DAB1: variants seen among roughly 807,000 people sequenced by gnomAD.
DAB1 encodes the protein disabled homolog 1.
Under a neutral mutation model 64.6 loss-of-function variants are expected in DAB1, and 15 were observed. The ratio of observed to expected loss-of-function variants is 0.23; its 90% CI spans 0.16 to 0.36. The LOEUF (loss-of-function observed/expected upper bound fraction) is 0.36. DAB1 is among the 10% of genes least tolerant of loss of function. The probability of loss-of-function intolerance (pLI) is 1.00; values close to 1 mark genes in which losing one functional copy is unlikely to be tolerated. For missense variants in DAB1, 596 were observed against 706.7 expected, an observed-to-expected ratio of 0.84 and a Z score of 1.78; for synonymous variants, 235 against 251.9, an observed-to-expected ratio of 0.93 and a Z score of 0.64.
rs1478859544 is a variant in DAB1 at position 57,877,554 on chromosome 1, T to TA, written n.87+6444_87+6445insT. On this transcript the variant is annotated intron_variant and non_coding_transcript_variant, in intron 1 of 1. Coordinates refer to the DAB1 transcript ENST00000477280. Reference sequence around the variant, plus strand: ...AAATCCTAATTGATTTATTTTTTTTTTTTTTTTTTTTTTTTTTGAGACGGA... The same window carrying TA: ...AAATCCTAATTGATTTATTTTTTTTTATTTTTTTTTTTTTTTTTGAGACGGA... 9.7e-3 allele frequency among the ~76,000 whole-genome samples: 228 copies of TA among 23,438 alleles called. 82 individuals are homozygous for TA. The highest frequency in any genetic ancestry group is 0.05 in the African/African-American group (219 of 4,412). The allele number at this position is 23,438 out of a possible 152,430, so 15.4% of individuals were successfully genotyped here.
chr1:58,053,010 G>A (rs537033161), intron 5 of DAB1, among the ~76,000 whole-genome samples: 1 of 152,276 alleles, frequency 6.6e-6, no homozygotes, highest in South Asian at 2.1e-4. Context: ...AAGCAAGAGC[G>A]AAAATGGGGA....
At chr1:57,685,048 G>GT (rs1309952116) in intron 6 of DAB1, among the ~76,000 whole-genome samples, 1 of 151,724 alleles carries the variant, frequency 6.6e-6, no homozygotes, top group East Asian at 1.9e-4. Context: ...TGCCTCCCAG[G>GT]TTCAAGTGAT....
intron 6 of DAB1, among the ~76,000 whole-genome samples, chr1:57,780,713 CT>C (rs891623389): frequency 2.6e-5 from 4 of 151,472 alleles, no homozygotes; most frequent in Non-Finnish European, 4.4e-5. Flanking sequence ...TTCCTTCTTT[CT>C]TTTTTTCTTT....
intron 3 of DAB1, among the ~76,000 whole-genome samples, chr1:58,377,302 T>C (rs2100543203): frequency 1.4e-5 from 2 of 144,778 alleles, no homozygotes; most frequent in South Asian, 4.8e-4. Flanking sequence ...TGGCATGATT[T>C]TGCAGCGGCT....
intron 12 of DAB1, among the ~76,000 whole-genome samples, chr1:57,012,209 G>A (rs1292596906): frequency 6.6e-6 from 1 of 152,196 alleles, no homozygotes; most frequent in East Asian, 1.9e-4. Context: ...ATCAGACAGT[G>A]AATGATTGTA....
At chr1:58,040,421 A>G (rs577812480) in intron 5 of DAB1, among the ~76,000 whole-genome samples, 1 of 152,304 alleles carries the variant, frequency 6.6e-6, no homozygotes, top group East Asian at 1.9e-4. Context: ...CCCTGGTCTC[A>G]TCTGCCGGCA....
intron 1 of DAB1, among the ~76,000 whole-genome samples, chr1:57,835,529 A>G (rs897964099): frequency 2.0e-5 from 3 of 152,174 alleles, no homozygotes; most frequent in Admixed American, 6.5e-5. Flanking sequence ...GGGACCAGAG[A>G]GTCCAGGTGA....
At chr1:57,448,717 A>G in intron 7 of DAB1, among the ~76,000 whole-genome samples, 1 of 152,094 alleles carries the variant, frequency 6.6e-6, no homozygotes, top group East Asian at 1.9e-4. Flanking sequence ...AATATAGGAC[A>G]CGATTTGATC....
chr1:57,370,024 T>G (rs1023336486), intron 1 of DAB1, among the ~76,000 whole-genome samples: 1 of 152,190 alleles, frequency 6.6e-6, no homozygotes, highest in African/African-American at 2.4e-5. Context: ...AACAGCATTC[T>G]TCCTGCAATG....
At chr1:58,189,896 G>A (rs560092953) in intron 4 of DAB1, among the ~76,000 whole-genome samples, 7 of 152,184 alleles carry the variant, frequency 4.6e-5, no homozygotes, top group Non-Finnish European at 8.8e-5. Flanking sequence ...TGAGAAATTG[G>A]CTTCACCTGA....
chr1:57,143,726 T>G (rs767961288), intron 3 of DAB1, among the ~76,000 whole-genome samples: 37 of 152,100 alleles, frequency 2.4e-4, no homozygotes, highest in Non-Finnish European at 4.1e-4. Flanking sequence ...AAATAATAAC[T>G]GATTTACTCA....
chr1:58,366,990 G>A lies in DAB1; in HGVS notation n.258-23587C>T, dbSNP rs541389061. Among the ~76,000 whole-genome samples, 289 of 152,228 alleles carry A rather than the reference G, an allele frequency of 1.9e-3. 11 individuals carry two copies. The South Asian group carries it at 0.054, about 28-fold the overall frequency. Reference sequence around the variant, plus strand: ...AATCTTGATGAACTTTACATCTGATGTTATTTCATATTTTAATAAACAACA... The same window carrying A: ...AATCTTGATGAACTTTACATCTGATATTATTTCATATTTTAATAAACAACA... On this transcript the variant is annotated intron_variant and non_coding_transcript_variant, in intron 3 of 20. Coordinates refer to the DAB1 transcript ENST00000485760.
chr1:57,210,599 T>C (rs957103892), intron 2 of DAB1, among the ~76,000 whole-genome samples: 1 of 152,142 alleles, frequency 6.6e-6, no homozygotes, highest in Non-Finnish European at 1.5e-5. Context: ...CAAAAAATAA[T>C]CTGCATTTTG....
chr1:57,869,043 C>A (rs748016053), intron 1 of DAB1, among the ~76,000 whole-genome samples: 1 of 152,040 alleles, frequency 6.6e-6, no homozygotes, highest in Non-Finnish European at 1.5e-5. Flanking sequence ...GACTTGTTAT[C>A]TCTATTTCTT....
intron 5 of DAB1, among the ~76,000 whole-genome samples, chr1:58,143,802 A>C (rs1161838841): frequency 6.6e-6 from 1 of 152,238 alleles, no homozygotes; most frequent in Non-Finnish European, 1.5e-5. Context: ...TCCTAGTTTC[A>C]AAACAAAAGA....
chr1:57,926,381 T>C (rs1003958396), intron 5 of DAB1, among the ~76,000 whole-genome samples: 2 of 152,172 alleles, frequency 1.3e-5, no homozygotes, highest in African/African-American at 4.8e-5. Flanking sequence ...ATTGGTCACC[T>C]ACCAAGAACT....
At chr1:57,437,547 A>G (rs1166873310) in intron 7 of DAB1, among the ~76,000 whole-genome samples, 1 of 152,214 alleles carries the variant, frequency 6.6e-6, no homozygotes, top group Admixed American at 6.5e-5. Context: ...TTGAACTGTA[A>G]TTCTTCATTG....
intron 6 of DAB1, among the ~76,000 whole-genome samples, chr1:57,662,259 G>A (rs750441987): frequency 6.6e-6 from 1 of 152,094 alleles, no homozygotes; most frequent in Admixed American, 6.5e-5. Context: ...GCAATGGCGC[G>A]ATCTCGGCTC....
chr1:57,727,083 C>T (rs917552073), intron 6 of DAB1, among the ~76,000 whole-genome samples: 3 of 152,206 alleles, frequency 2.0e-5, no homozygotes, highest in Non-Finnish European at 2.9e-5. Flanking sequence ...GAAAGACCAG[C>T]GAGTCAGAGA....
Sources: allele counts gnomAD v4.1 joint callset (sites outside exome capture counted in the v4.1 genomes callset), GRCh38; gene constraint gnomAD v4.1.1; transcripts MANE v1.5; gene names NCBI Gene and HGNC (gene_info 2026-07-23, HGNC 2026-07-21).